ATP10A: variants seen among roughly 807,000 people sequenced by gnomAD.
ATP10A encodes the protein ATPase phospholipid transporting 10A (putative).
In ATP10A, 111 loss-of-function variants were observed where a neutral mutation model predicts 147.8. That is an observed-to-expected ratio of 0.75 (90% CI 0.64 to 0.88). ATP10A has a LOEUF of 0.88. ATP10A is among the 40% of genes least tolerant of loss of function. The pLI is 0.00. For synonymous variants in ATP10A, 875 were observed against 841.6 expected (o/e 1.04, Z -0.69); for missense variants, 1,927 against 1,959.0 (o/e 0.98, Z 0.31).
chr15:25,778,631 T>C (rs1019412264), intron 2 of ATP10A, among the ~76,000 whole-genome samples: 1 of 152,208 alleles, frequency 6.6e-6, no homozygotes, highest in Admixed American at 6.5e-5. Context: ...TTTGGCCATT[T>C]TGACCAGATC....
intron 13 of ATP10A, among the ~76,000 whole-genome samples, chr15:25,698,265 T>G (rs1596705611): frequency 6.6e-6 from 1 of 152,190 alleles, no homozygotes; most frequent in East Asian, 1.9e-4. Flanking sequence ...ATCCTCACAG[T>G]TTTTCTCTAA....
chr15:25,736,958 C>T (rs1437598356), intron 2 of ATP10A, among the ~76,000 whole-genome samples: 1 of 152,132 alleles, frequency 6.6e-6, no homozygotes, highest in Non-Finnish European at 1.5e-5. Context: ...ATGGCATAAA[C>T]ACTGTTGACA....
At chr15:25,837,206 C>T (rs1892634970) in intron 1 of ATP10A, among the ~76,000 whole-genome samples, 1 of 152,120 alleles carries the variant, frequency 6.6e-6, no homozygotes, top group Non-Finnish European at 1.5e-5. Context: ...GCTTATTTTT[C>T]CTACCTGCCC....
chr15:25,707,296 G>C (rs906413162), intron 12 of ATP10A, among the ~76,000 whole-genome samples: 2 of 152,136 alleles, frequency 1.3e-5, no homozygotes, highest in African/African-American at 4.8e-5. Context: ...AGGGCTTTGT[G>C]CTCGAGAAGT....
At chr15:25,719,950 G>A (rs1902108660) in intron 7 of ATP10A, among the ~76,000 whole-genome samples, 1 of 152,142 alleles carries the variant, frequency 6.6e-6, no homozygotes, top group Non-Finnish European at 1.5e-5. Context: ...CCTTGCCTGG[G>A]TGCCTGTCAA....
At chr15:25,760,027 C>T (rs1350621270) in intron 2 of ATP10A, among the ~76,000 whole-genome samples, 14 of 151,424 alleles carry the variant, frequency 9.2e-5, no homozygotes, top group South Asian at 4.2e-4. Flanking sequence ...AGTGCAGTGG[C>T]GCGATCTCGG....
chr15:25,806,322 C>CTTTTA (rs72388409), intron 1 of ATP10A, among the ~76,000 whole-genome samples: 1 of 81,374 alleles, frequency 1.2e-5, no homozygotes, highest in Non-Finnish European at 3.0e-5. Context: ...ATTTTCTTTT[C>CTTTTA]TTTTCTTTGA....
chr15:25,862,830 C>T lies in ATP10A; in HGVS notation c.267G>A (p.Val89=). The change falls in exon 1 of 21, where the codon GTG becomes GTA. Residue 89 remains valine, a synonymous_variant. Transcript: ENST00000555815. ...LFEQFHRPAN[V]YFVFIALLNF... Reference sequence around the variant, plus strand: ...TGAGCAGCGCGATGAAGACAAAGTACACGTTGGCCGGGCGGTGGAACTGCT... The same window carrying T: ...TGAGCAGCGCGATGAAGACAAAGTATACGTTGGCCGGGCGGTGGAACTGCT... The T allele has an allele frequency of 6.2e-7, 1 of 1,609,868 alleles. No individual in the cohort carries two copies. Among genetic ancestry groups the T allele is most frequent in the South Asian group, 1.1e-5 (1 of 90,242 alleles).
chr15:25,778,978 G>A (rs1019529993), intron 2 of ATP10A, among the ~76,000 whole-genome samples: 2 of 152,156 alleles, frequency 1.3e-5, no homozygotes, highest in Non-Finnish European at 2.9e-5. Flanking sequence ...CCGGGTTCAA[G>A]CGATTCTCCT....
At chr15:25,809,834 G>A (rs1891350742) in intron 1 of ATP10A, among the ~76,000 whole-genome samples, 2 of 152,120 alleles carry the variant, frequency 1.3e-5, no homozygotes, top group Admixed American at 1.3e-4. Context: ...ACCTAGTCCT[G>A]TTTCCCACAA....
In ATP10A at chr15:25,681,089, C is replaced by T; in HGVS notation, c.3493-15G>A. The T allele has an allele frequency of 6.2e-7, 1 of 1,609,722 alleles. No individual in the cohort carries two copies. Among genetic ancestry groups the T allele is most frequent in the Non-Finnish European group, 8.5e-7 (1 of 1,176,372 alleles). The stretch of plus-strand genomic sequence containing the variant: ...GGCCGGTATTCCTGGGACACAAAAA[C>T]AATCAGTGATGTTACAGTGAAGCAT... On this transcript the variant is annotated splice_polypyrimidine_tract_variant and intron_variant, in intron 17 of 20. Transcript: ENST00000555815.
At chr15:25,862,536 G>A (rs972404250) in intron 1 of ATP10A, 112 bp downstream of exon 1, 23 of 1,254,636 alleles carry the variant, frequency 1.8e-5, no homozygotes, top group Non-Finnish European at 2.4e-5. Flanking sequence ...CACCCTGAGT[G>A]GAGCTGCCTT....
At chr15:25,790,042 T>G (rs1430516703) in intron 1 of ATP10A, among the ~76,000 whole-genome samples, 1 of 152,192 alleles carries the variant, frequency 6.6e-6, no homozygotes, top group Non-Finnish European at 1.5e-5. Context: ...AGGTGAGAAC[T>G]CAGCACTGAA....
At chr15:25,678,441 T>G (rs1899187244), downstream of ATP10A, 1 of 152,126 alleles carries the variant, frequency 6.6e-6, no homozygotes. Context: ...TTGTTATCAT[T>G]TCCTGCCCTT....
Position 25,704,105 on chromosome 15 carries a change from G to C in ATP10A, c.2576-2005C>G, listed in dbSNP as rs59465700. Among the ~76,000 whole-genome samples, 195 of 152,306 alleles carry C rather than the reference G, an allele frequency of 1.3e-3. 1 individual carries two copies. Among genetic ancestry groups the C allele is most frequent in the African/African-American group, 4.5e-3 (189 of 41,566 alleles). The stretch of plus-strand genomic sequence containing the variant: ...CTACCCTGGCCCTTGGGCTCTAGTA[G>C]GGGGGCAGACTGTGTGTGGCCCGTG... On this transcript the variant is annotated intron_variant, in intron 12 of 20. Transcript: ENST00000555815.
chr15:25,766,594 T>C (rs935306957), intron 2 of ATP10A, among the ~76,000 whole-genome samples: 5 of 151,250 alleles, frequency 3.3e-5, no homozygotes, highest in African/African-American at 9.7e-5. Flanking sequence ...CCAGCCTCTA[T>C]TGTAATTGGA....
At chr15:25,842,345 A>G (rs959858621) in intron 1 of ATP10A, among the ~76,000 whole-genome samples, 2 of 152,144 alleles carry the variant, frequency 1.3e-5, no homozygotes, top group African/African-American at 4.8e-5. Context: ...CCAGGGTCTC[A>G]TGGTGTTGCT....
At chr15:25,848,412 C>T (rs1893129748) in intron 1 of ATP10A, among the ~76,000 whole-genome samples, 1 of 152,166 alleles carries the variant, frequency 6.6e-6, no homozygotes, top group Non-Finnish European at 1.5e-5. Flanking sequence ...CCTCAGCCTC[C>T]TGAGGACCTG....
At chr15:25,804,186 TTGTA>T (rs922378509) in intron 1 of ATP10A, among the ~76,000 whole-genome samples, 96 of 149,996 alleles carry the variant, frequency 6.4e-4, no homozygotes, top group African/African-American at 2.4e-3. Context: ...GAGGCTGTGT[TTGTA>T]TGTAGCTTGG....
Sources: gnomAD v4.1 joint callset for allele counts (sites outside exome capture counted in the v4.1 genomes callset) on GRCh38, gnomAD v4.1.1 for gene constraint, MANE v1.5 for transcripts, NCBI Gene and HGNC (gene_info 2026-07-23, HGNC 2026-07-21) for gene names.